DLGAP2: variants seen among roughly 807,000 people sequenced by gnomAD.
DLGAP2 encodes DLG associated protein 2.
Under a neutral mutation model 100.3 loss-of-function variants are expected in DLGAP2, and 26 were observed. That is an observed-to-expected ratio of 0.26 (90% confidence interval 0.19 to 0.36). DLGAP2 has a LOEUF of 0.36. DLGAP2 is among the 10% of genes least tolerant of loss of function. The pLI is 1.00. For missense variants in DLGAP2, 1,858 were observed against 1,453.2 expected (o/e 1.28, Z -4.53); for synonymous variants, 886 against 630.1 (o/e 1.41, Z -6.08).
In DLGAP2 at chr8:1,668,672, G is replaced by A; in HGVS notation, c.2154G>A (p.Gly718=). 1 of 1,544,112 alleles carries A rather than the reference G, an allele frequency of 6.5e-7. No individual in the cohort carries two copies. The highest frequency in any genetic ancestry group is 8.8e-7 in the Non-Finnish European group (1 of 1,142,518). ...ELLKSRCSSI[G]IQDSEFPEHQ... ...TCAAGAGCCGCTGCTCCTCCATCGG[G>A]ATTCAGGTAGCTGCTCTTGGCCGCC... The change falls in exon 9 of 15, where the codon GGG becomes GGA. Residue 718 remains glycine (G), a synonymous_variant. Coordinates refer to ENST00000637795, the MANE Select transcript of DLGAP2 (RefSeq NM_001346810.2).
At chr8:927,043 G>A (rs927240376) in intron 2 of DLGAP2, 2 of 985,312 alleles carry the variant, frequency 2.0e-6, no homozygotes, top group African/African-American at 3.5e-5. Flanking sequence ...GGGGACTGGA[G>A]GCCTGGAGGA....
intron 6 of DLGAP2, among the ~76,000 whole-genome samples, chr8:1,604,172 A>G (rs1796720241): frequency 6.6e-6 from 1 of 152,212 alleles, no homozygotes; most frequent in Admixed American, 6.5e-5. Context: ...ACATGGATTC[A>G]GAAATCATTT....
rs745443468 is a variant in DLGAP2 at position 1,549,061 on chromosome 8, A to G, written c.608A>G (p.His203Arg). ...CAGTTCGAGAAGCAGCTGCCGCTGC[A>G]CCGGGACGGCTTCCACACGCTGCAG... Reference protein sequence around the residue: ...LDQFEKQLPLHRDGFHTLQYQ... With the variant: ...LDQFEKQLPLRRDGFHTLQYQ... The change falls in exon 5 of 15, where the codon CAC (histidine) becomes CGC (arginine). Residue 203 changes from histidine (H) to arginine (R), a missense_variant. His to Arg is a conservative substitution (Grantham distance 29). Transcript: ENST00000637795. 1.9e-6 allele frequency: 3 copies of G among 1,590,194 alleles called. No individual in the cohort carries two copies. Among genetic ancestry groups the G allele is most frequent in the East Asian group, 4.6e-5 (2 of 43,924 alleles).
Position 1,058,477 on chromosome 8 carries a change from C to T in DLGAP2, c.73+150511C>T, listed in dbSNP as rs117672393. ...CTCTAAGGGTGGCTTCTAATACCTG[C>T]CCATGCACCCATTCTCAGGTCAGCC... On this transcript the variant is annotated intron_variant, in intron 2 of 14. Transcript: ENST00000637795. Among the ~76,000 whole-genome samples the T allele has an allele frequency of 2.2e-3, 341 of 152,308 alleles. 2 individuals carry two copies. The highest frequency in any genetic ancestry group is 3.7e-3 in the Non-Finnish European group (255 of 68,038).
intron 2 of DLGAP2, among the ~76,000 whole-genome samples, chr8:1,183,118 C>T (rs999405268): frequency 7.2e-5 from 11 of 151,920 alleles, no homozygotes; most frequent in East Asian, 1.9e-4. Flanking sequence ...TCGATTCCCT[C>T]GAGATGCCTT....
chr8:1,373,210 G>C (rs536239047), intron 3 of DLGAP2, among the ~76,000 whole-genome samples: 1 of 152,170 alleles, frequency 6.6e-6, no homozygotes, highest in African/African-American at 2.4e-5. Context: ...GAGTGACTGC[G>C]CAGCAAGACT....
At chr8:1,065,890 C>G (rs1803229442) in intron 2 of DLGAP2, among the ~76,000 whole-genome samples, 1 of 152,186 alleles carries the variant, frequency 6.6e-6, no homozygotes, top group Non-Finnish European at 1.5e-5. Context: ...AGTTGTCATT[C>G]TCCCGCGTGG....
chr8:1,685,286 G>C (rs560946857), intron 12 of DLGAP2, among the ~76,000 whole-genome samples: 11 of 152,350 alleles, frequency 7.2e-5, no homozygotes, highest in African/African-American at 2.2e-4. Flanking sequence ...AACTGTGCCT[G>C]TGTCCATGGT....
chr8:1,043,902 T>C (rs1006830667), intron 2 of DLGAP2, among the ~76,000 whole-genome samples: 1 of 151,856 alleles, frequency 6.6e-6, no homozygotes, highest in Non-Finnish European at 1.5e-5. Context: ...GGAAGGCAGG[T>C]GTGGAGAGAC....
intron 3 of DLGAP2, among the ~76,000 whole-genome samples, chr8:1,288,926 G>C (rs759405078): frequency 1.3e-5 from 2 of 152,258 alleles, no homozygotes; most frequent in Admixed American, 6.5e-5. Flanking sequence ...AATTGTATAA[G>C]ATTTTTAACA....
rs576558799 is a variant in DLGAP2, at chr8:1,454,434, A to G, written c.107-46932A>G. ...GAGGGCAAGGGTGTTCCTGCTGGCA[A>G]CTTCACAGAGGGGAGGGCAGGTCTT... On this transcript the variant is annotated intron_variant, in intron 3 of 14. Coordinates refer to ENST00000637795, the MANE Select transcript of DLGAP2 (RefSeq NM_001346810.2). Among the ~76,000 whole-genome samples the G allele has an allele frequency of 5.9e-5, 9 of 151,522 alleles. No homozygotes were observed. The South Asian group carries it at 6.3e-4, about 11-fold the overall frequency.
chr8:1,431,447 A>G lies in DLGAP2; in HGVS notation c.107-69919A>G, dbSNP rs541388957. Among the ~76,000 whole-genome samples the G allele has an allele frequency of 6.6e-5, 10 of 152,356 alleles. No homozygotes were observed. In the East Asian group the frequency reaches 9.7e-4, roughly 15 times the overall value. On this transcript the variant is annotated intron_variant, in intron 3 of 14. Coordinates refer to ENST00000637795, the MANE Select transcript of DLGAP2 (RefSeq NM_001346810.2). The stretch of plus-strand genomic sequence containing the variant: ...GCTCAGTTCCGTTGGCTGACCAGGT[A>G]GACTCTACCCGTGGGCAAAGGACAA...
At chr8:1,009,070 G>A (rs984423038) in intron 2 of DLGAP2, among the ~76,000 whole-genome samples, 4 of 152,174 alleles carry the variant, frequency 2.6e-5, no homozygotes, top group African/African-American at 4.8e-5. Flanking sequence ...CTGATGGGGG[G>A]CAGGCAGGAG....
At chr8:1,319,425 CCACT>C (rs1800843935) in intron 3 of DLGAP2, among the ~76,000 whole-genome samples, 1 of 152,134 alleles carries the variant, frequency 6.6e-6, no homozygotes, top group Non-Finnish European at 1.5e-5. Flanking sequence ...GTGTGTCTGC[CCACT>C]CACTCAGCCA....
At chr8:1,615,162 C>T (rs1459050577) in intron 6 of DLGAP2, among the ~76,000 whole-genome samples, 1 of 152,140 alleles carries the variant, frequency 6.6e-6, no homozygotes, top group Non-Finnish European at 1.5e-5. Context: ...TTTGCGGACC[C>T]CTGAAAAAGT....
intron 1 of DLGAP2, among the ~76,000 whole-genome samples, chr8:839,749 G>A (rs1796946711): frequency 6.6e-6 from 1 of 152,170 alleles, no homozygotes; most frequent in African/African-American, 2.4e-5. Flanking sequence ...ACTTCTTCAT[G>A]TTTATTCACC....
intron 1 of DLGAP2, among the ~76,000 whole-genome samples, chr8:851,536 A>AT (rs909403982): frequency 2.6e-5 from 4 of 152,126 alleles, no homozygotes; most frequent in African/African-American, 9.7e-5. Flanking sequence ...TTTCAGTATA[A>AT]TTTTTTGTGT....
intron 2 of DLGAP2, among the ~76,000 whole-genome samples, chr8:1,043,295 T>G (rs1490077642): frequency 1.1e-4 from 9 of 78,352 alleles, no homozygotes; most frequent in African/African-American, 2.4e-4. Context: ...GTGGTGGGTG[T>G]GGGTGGTGGG....
chr8:1,371,351 A>T (rs914073026), intron 3 of DLGAP2, among the ~76,000 whole-genome samples: 1 of 152,130 alleles, frequency 6.6e-6, no homozygotes, highest in Non-Finnish European at 1.5e-5. Flanking sequence ...CGTGGATGGC[A>T]TTTGCGCCAG....
Sources: gnomAD v4.1 joint callset for allele counts (sites outside exome capture counted in the v4.1 genomes callset) on GRCh38, gnomAD v4.1.1 for gene constraint, MANE v1.5 for transcripts, NCBI Gene and HGNC (gene_info 2026-07-23, HGNC 2026-07-21) for gene names.